Variants in VSNL1 observed in about 807,000 individuals in gnomAD.
VSNL1 encodes visinin-like protein 1.
In VSNL1, 6 loss-of-function variants were observed where a neutral mutation model predicts 20.4. The observed-to-expected ratio is 0.29, with a 90% CI of 0.16 to 0.58. VSNL1 has a LOEUF of 0.58. Among genes scored for constraint, VSNL1 ranks in the 20% least tolerant of loss-of-function variants. The pLI, the probability that VSNL1 is intolerant of heterozygous loss-of-function variation, is 0.90. For synonymous variants in VSNL1, 93 were observed against 86.4 expected, an observed-to-expected ratio of 1.08 and a Z score of -0.42; for missense variants, 100 against 234.5, an observed-to-expected ratio of 0.43 and a Z score of 3.75.
rs1052192957 is a variant in VSNL1 at position 17,634,144 on chromosome 2, G to A, written c.163-15266G>A. Reference sequence around the variant, plus strand: ...AAGGTGGAGGAGGGCATCAAAGAGCGTGCAGTAGAGAGGTTAAGGCCTAGA... The same window carrying A: ...AAGGTGGAGGAGGGCATCAAAGAGCATGCAGTAGAGAGGTTAAGGCCTAGA... On this transcript the variant is annotated intron_variant, in intron 2 of 3. Coordinates refer to ENST00000295156, the MANE Select transcript of VSNL1 (RefSeq NM_003385.5). The surrounding 1 kb of genome is among the most constrained non-coding windows in gnomAD (Gnocchi z 4.3). 3.9e-5 allele frequency among the ~76,000 whole-genome samples: 6 copies of A among 152,134 alleles called. No individual in the cohort carries two copies. Among genetic ancestry groups the A allele is most frequent in the South Asian group, 2.1e-4 (1 of 4,830 alleles).
intron 1 of VSNL1, among the ~76,000 whole-genome samples, chr2:17,590,028 A>C (rs1664564157): frequency 6.6e-6 from 1 of 152,160 alleles, no homozygotes; most frequent in Non-Finnish European, 1.5e-5. Context: ...CCAGGTTCAA[A>C]TTCTAGCTCC....
chr2:17,649,390 G>T lies in VSNL1; in HGVS notation c.163-20G>T, dbSNP rs1011372012. The T allele has an allele frequency of 6.2e-7, 1 of 1,613,328 alleles. No homozygotes were observed. Among genetic ancestry groups the T allele is most frequent in the Non-Finnish European group, 8.5e-7 (1 of 1,179,282 alleles). On this transcript the variant is annotated intron_variant, in intron 2 of 3. Transcript: ENST00000295156. This position sits in a 1 kb window ranked among gnomAD's most constrained non-coding sequence, Gnocchi z 6.4. ...TTCCATCCCCTCCCGACACCTGACTGCGCGTGTTCTCCTTTGCAGTTCTTT... is the reference window on the plus strand; with the variant it reads ...TTCCATCCCCTCCCGACACCTGACTTCGCGTGTTCTCCTTTGCAGTTCTTT...
At chr2:17,590,626 A>G (rs938566550) in intron 1 of VSNL1, among the ~76,000 whole-genome samples, 4 of 152,182 alleles carry the variant, frequency 2.6e-5, no homozygotes, top group Admixed American at 2.6e-4. Context: ...TGGAAGTAGC[A>G]AGAGTGGCTT....
intron 2 of VSNL1, among the ~76,000 whole-genome samples, chr2:17,621,161 C>T (rs1665345442): frequency 6.6e-6 from 1 of 152,168 alleles, no homozygotes; most frequent in Admixed American, 6.5e-5. Flanking sequence ...CCAGGCAGCC[C>T]TATAAAAATC....
intron 1 of VSNL1, among the ~76,000 whole-genome samples, chr2:17,548,321 A>G (rs1663447325): frequency 6.6e-6 from 1 of 151,180 alleles, no homozygotes; most frequent in African/African-American, 2.4e-5. Context: ...TTCCTGCCCA[A>G]TTTCCTAGGA....
chr2:17,649,379 G>T lies in VSNL1; in HGVS notation c.163-31G>T, dbSNP rs771338318. Reference sequence around the variant, plus strand: ...CGTCGCCCCGATTCCATCCCCTCCCGACACCTGACTGCGCGTGTTCTCCTT... The same window carrying T: ...CGTCGCCCCGATTCCATCCCCTCCCTACACCTGACTGCGCGTGTTCTCCTT... On this transcript the variant is annotated intron_variant, in intron 2 of 3. Transcript: ENST00000295156. The surrounding 1 kb of genome is among the most constrained non-coding windows in gnomAD (Gnocchi z 6.4). 2.5e-6 allele frequency: 4 copies of T among 1,610,264 alleles called. No individual in the cohort carries two copies. Among genetic ancestry groups the T allele is most frequent in the East Asian group, 2.2e-5 (1 of 44,850 alleles).
At chr2:17,632,903 T>G (rs980748175) in intron 2 of VSNL1, among the ~76,000 whole-genome samples, 17 of 152,180 alleles carry the variant, frequency 1.1e-4, no homozygotes, top group Non-Finnish European at 2.4e-4. Flanking sequence ...CCTATAATTC[T>G]AGCCCTTTGG....
chr2:17,616,090 A>G (rs1393682048), intron 2 of VSNL1, among the ~76,000 whole-genome samples: 4 of 152,250 alleles, frequency 2.6e-5, no homozygotes, highest in African/African-American at 9.6e-5. Context: ...ACTGTCTGCC[A>G]AAGGGCCCAC....
At chr2:17,595,470 GTTAA>G (rs1241956467) in intron 2 of VSNL1, among the ~76,000 whole-genome samples, 2 of 152,198 alleles carry the variant, frequency 1.3e-5, no homozygotes, top group East Asian at 3.8e-4. Flanking sequence ...AAAACAAGAA[GTTAA>G]TTAATGCAGT....
At position 17,596,032 on chromosome 2, in the gene VSNL1, C is replaced by A. The variant is rs114660183; in HGVS notation, c.162+3796C>A. On this transcript the variant is annotated intron_variant, in intron 2 of 3. Transcript: ENST00000295156. The stretch of plus-strand genomic sequence containing the variant: ...TGGGTTGTCAACACATTCTCTTGGA[C>A]TTCCAGCTTCCAGAACTGTGAGAAA... Among the ~76,000 whole-genome samples, 167 of 152,310 alleles carry A rather than the reference C, an allele frequency of 1.1e-3. 1 individual carries two copies. Among genetic ancestry groups the A allele is most frequent in the African/African-American group, 4.0e-3 (166 of 41,562 alleles).
intron 1 of VSNL1, among the ~76,000 whole-genome samples, chr2:17,569,293 C>T (rs974880706): frequency 1.6e-4 from 23 of 148,230 alleles, no homozygotes; most frequent in Non-Finnish European, 3.1e-4. Context: ...GGCAACAGAG[C>T]GAGACCCTGT....
chr2:17,613,790 A>G (rs146990995), intron 2 of VSNL1, among the ~76,000 whole-genome samples: 38 of 152,350 alleles, frequency 2.5e-4, no homozygotes, highest in African/African-American at 8.9e-4. Context: ...CAAATGACAC[A>G]GTTGTTCATC....
intron 1 of VSNL1, among the ~76,000 whole-genome samples, chr2:17,583,198 A>C (rs1304512484): frequency 6.6e-6 from 1 of 152,126 alleles, no homozygotes; most frequent in African/African-American, 2.4e-5. Context: ...CCTCCACCAA[A>C]TATTCAAGTT....
At chr2:17,599,563 C>A (rs1158071655) in intron 2 of VSNL1, among the ~76,000 whole-genome samples, 1 of 152,190 alleles carries the variant, frequency 6.6e-6, no homozygotes, top group African/African-American at 2.4e-5. Flanking sequence ...ACTTCTGGGG[C>A]TTCTGCCATA....
intron 2 of VSNL1, among the ~76,000 whole-genome samples, chr2:17,602,751 TATAAAATAAAATAAAATAAAAAA>T (rs1664850548): frequency 1.4e-5 from 2 of 138,804 alleles, no homozygotes; most frequent in Non-Finnish European, 3.3e-5. Flanking sequence ...AAAACATAAA[TATAAAATAAAATAAAATAAAAAA>T]ATAAAATAAA....
chr2:17,551,894 G>GT (rs1663544236), intron 1 of VSNL1, among the ~76,000 whole-genome samples: 1 of 88,636 alleles, frequency 1.1e-5, no homozygotes, highest in Non-Finnish European at 2.5e-5. Context: ...TAGCAATTTT[G>GT]TTAAAAAAAA....
At chr2:17,646,198 A>G (rs1331927738) in intron 2 of VSNL1, among the ~76,000 whole-genome samples, 1 of 152,274 alleles carries the variant, frequency 6.6e-6, no homozygotes, top group African/African-American at 2.4e-5. Context: ...AGAATGAGTC[A>G]GAAAATAACT....
chr2:17,569,873 A>C (rs1013546722), intron 1 of VSNL1, among the ~76,000 whole-genome samples: 1 of 152,228 alleles, frequency 6.6e-6, no homozygotes, highest in African/African-American at 2.4e-5. Flanking sequence ...GAGCTCCATA[A>C]TAGTTCCGTG....
chr2:17,576,469 T>G (rs935451712), intron 1 of VSNL1, among the ~76,000 whole-genome samples: 15 of 152,208 alleles, frequency 9.9e-5, no homozygotes, highest in Admixed American at 8.5e-4. Context: ...TTCTAGTGTT[T>G]TCTGGTGGGT....
Sources: gnomAD v4.1 joint callset for allele counts (sites outside exome capture counted in the v4.1 genomes callset) on GRCh38, gnomAD v4.1.1 for gene constraint, Gnocchi (gnomAD v3.1) non-coding constraint, MANE v1.5 for transcripts, NCBI Gene and HGNC (gene_info 2026-07-23, HGNC 2026-07-21) for gene names.